Variants in SLC10A7 observed in about 807,000 individuals in gnomAD.
SLC10A7 encodes the protein solute carrier family 10 member 7.
In SLC10A7, 29 loss-of-function variants were observed where a neutral mutation model predicts 43.2. The observed-to-expected ratio is 0.67, with a 90% CI of 0.50 to 0.92. The LOEUF (loss-of-function observed/expected upper bound fraction) is 0.92. Ranked by LOEUF, SLC10A7 falls within the 40% of genes least tolerant of loss-of-function variation. SLC10A7 has a pLI of 0.00. For missense variants in SLC10A7, 295 were observed against 403.2 expected, an observed-to-expected ratio of 0.73 and a Z score of 2.30; for synonymous variants, 152 against 144.8, an observed-to-expected ratio of 1.05 and a Z score of -0.35.
intron 5 of SLC10A7, among the ~76,000 whole-genome samples, chr4:146,372,544 C>G (rs2149780626): frequency 6.6e-6 from 1 of 151,736 alleles, no homozygotes; most frequent in South Asian, 2.1e-4. Flanking sequence ...GAAGTCAGGT[C>G]AATATGTTTT....
At chr4:146,259,558 A>C (rs1728094690) in intron 10 of SLC10A7, among the ~76,000 whole-genome samples, 1 of 152,158 alleles carries the variant, frequency 6.6e-6, no homozygotes, top group Admixed American at 6.5e-5. Context: ...CTGAGATTGC[A>C]TCACTGCACT....
chr4:146,491,714 AGGAAGGAAGGAAGGAAG>A (rs1322741862), intron 4 of SLC10A7, among the ~76,000 whole-genome samples: 1 of 149,386 alleles, frequency 6.7e-6, no homozygotes. Context: ...GAAGGAAGGA[AGGAAGGAAGGAAGGAAG>A]GAAGGAAGGA....
intron 5 of SLC10A7, among the ~76,000 whole-genome samples, chr4:146,401,147 T>C (rs1739196639): frequency 6.6e-6 from 1 of 152,156 alleles, no homozygotes; most frequent in Non-Finnish European, 1.5e-5. Context: ...AATCAGTATT[T>C]TTCTGAGAGA....
chr4:146,418,952 C>T (rs371798275), intron 5 of SLC10A7, among the ~76,000 whole-genome samples: 9 of 152,304 alleles, frequency 5.9e-5, no homozygotes, highest in African/African-American at 1.9e-4. Context: ...AGGAAAAACA[C>T]TTGTGTTTGC....
At chr4:146,264,581 T>G (rs779103186) in intron 10 of SLC10A7, among the ~76,000 whole-genome samples, 1 of 152,192 alleles carries the variant, frequency 6.6e-6, no homozygotes, top group Non-Finnish European at 1.5e-5. Context: ...GCCTACTTTC[T>G]TGGGTGCTGC....
intron 4 of SLC10A7, chr4:146,478,450 T>C (rs1013036842): frequency 2.0e-5 from 3 of 152,216 alleles, no homozygotes; most frequent in Admixed American, 1.3e-4. Flanking sequence ...ATGTACATAT[T>C]ATACCTTTAA....
chr4:146,502,931 T>C (rs2150029280), intron 4 of SLC10A7, among the ~76,000 whole-genome samples: 1 of 152,310 alleles, frequency 6.6e-6, no homozygotes, highest in East Asian at 1.9e-4. Context: ...GGTGTATATA[T>C]GGATATGGAT....
At chr4:146,449,449 G>C (rs1731386407) in intron 4 of SLC10A7, among the ~76,000 whole-genome samples, 2 of 152,100 alleles carry the variant, frequency 1.3e-5, no homozygotes, top group Admixed American at 1.3e-4. Context: ...GGAACAAGAG[G>C]AGCAGGGGTT....
chr4:146,485,959 A>C (rs1734879757), intron 4 of SLC10A7, among the ~76,000 whole-genome samples: 2 of 152,164 alleles, frequency 1.3e-5, no homozygotes, highest in Non-Finnish European at 2.9e-5. Flanking sequence ...TATAGAGATT[A>C]AAAAAATGAA....
chr4:146,486,084 T>C (rs532261147), intron 4 of SLC10A7, among the ~76,000 whole-genome samples: 1 of 152,366 alleles, frequency 6.6e-6, no homozygotes, highest in Non-Finnish European at 1.5e-5. Flanking sequence ...TAAATCTTTT[T>C]TCAGGTATCA....
chr4:146,316,616 T>G (rs1284920773), intron 6 of SLC10A7, among the ~76,000 whole-genome samples: 1 of 152,096 alleles, frequency 6.6e-6, no homozygotes, highest in Non-Finnish European at 1.5e-5. Context: ...TTGTGGTATT[T>G]TTTTTACAGT....
At chr4:146,500,784 G>T (rs928919071) in intron 4 of SLC10A7, among the ~76,000 whole-genome samples, 5 of 151,800 alleles carry the variant, frequency 3.3e-5, no homozygotes, top group African/African-American at 1.2e-4. Context: ...CTCTAATTCT[G>T]CTCTTCCCAC....
intron 4 of SLC10A7, among the ~76,000 whole-genome samples, chr4:146,475,702 T>C (rs1327877302): frequency 1.3e-5 from 2 of 152,146 alleles, no homozygotes; most frequent in East Asian, 1.9e-4. Context: ...AATATAACTT[T>C]AAATGAAAAC....
At chr4:146,384,923 G>A (rs1737884255) in intron 5 of SLC10A7, among the ~76,000 whole-genome samples, 1 of 151,960 alleles carries the variant, frequency 6.6e-6, no homozygotes, top group Non-Finnish European at 1.5e-5. Context: ...TTTTAAAACA[G>A]AATAATTATA....
At chr4:146,367,121 T>TAACAGTAAGATATCAA (rs1382955678) in intron 5 of SLC10A7, among the ~76,000 whole-genome samples, 5 of 152,118 alleles carry the variant, frequency 3.3e-5, no homozygotes, top group African/African-American at 1.2e-4. Flanking sequence ...TTAGATATCA[T>TAACAGTAAGATATCAA]AACAGTAAGA....
At chr4:146,355,892 G>A (rs1735560432) in intron 5 of SLC10A7, among the ~76,000 whole-genome samples, 2 of 109,938 alleles carry the variant, frequency 1.8e-5, no homozygotes, top group South Asian at 7.5e-4. Flanking sequence ...ACTGTGGTGG[G>A]GTGGGGGGAG....
intron 5 of SLC10A7, among the ~76,000 whole-genome samples, chr4:146,326,272 C>T (rs545093758): frequency 2.0e-5 from 3 of 152,320 alleles, no homozygotes; most frequent in South Asian, 4.1e-4. Flanking sequence ...CCACATTGCA[C>T]GTGGATCATA....
rs566238282 is a variant in SLC10A7 at position 146,521,208 on chromosome 4, CT to C, written c.100+409del. 1.2e-3 allele frequency among the ~76,000 whole-genome samples: 175 copies of C among 147,228 alleles called. 2 individuals are homozygous for C. The South Asian group carries it at 0.015, about 12-fold the overall frequency. ...TGTCCCTTTTCTTGTTTTTCCTCCACTTTTTTTTTTAATGTGGGGGCGGGGA... is the reference window on the plus strand; with the variant it reads ...TGTCCCTTTTCTTGTTTTTCCTCCACTTTTTTTTTAATGTGGGGGCGGGGA... On this transcript the variant is annotated intron_variant, in intron 1 of 11. Transcript: ENST00000335472.
chr4:146,388,675 C>T (rs1185352654), intron 5 of SLC10A7, among the ~76,000 whole-genome samples: 5 of 151,700 alleles, frequency 3.3e-5, no homozygotes, highest in Non-Finnish European at 4.4e-5. Flanking sequence ...AGGAGAATGG[C>T]GTGAACCCAG....
Sources: gnomAD v4.1 joint callset for allele counts (sites outside exome capture counted in the v4.1 genomes callset) on GRCh38, gnomAD v4.1.1 for gene constraint, MANE v1.5 for transcripts, NCBI Gene and HGNC (gene_info 2026-07-23, HGNC 2026-07-21) for gene names.